The following SASH1 variants were observed in gnomAD, a reference collection of about 807,000 sequenced individuals.
The protein encoded by SASH1 is SAM and SH3 domain-containing protein 1.
SASH1 carries 44 observed loss-of-function variants against 125.2 expected under a neutral mutation model. That is an observed-to-expected ratio of 0.35 (90% CI 0.28 to 0.45). The LOEUF is 0.45. SASH1 is among the 20% of genes least tolerant of loss of function. SASH1 has a pLI of 1.00. For missense variants in SASH1, 1,426 were observed against 1,614.5 expected (o/e 0.88, Z 2.00); for synonymous variants, 639 against 649.1 (o/e 0.98, Z 0.24).
rs147407568 is a variant in SASH1, at chr6:148,373,068, G to A, written c.157-17066G>A. Among the ~76,000 whole-genome samples the A allele has an allele frequency of 6.0e-3, 915 of 152,176 alleles. 6 individuals are homozygous for A. The highest frequency in any genetic ancestry group is 0.011 in the Admixed American group (168 of 15,280). ...TAACCAGGCATGGTGGTGCATGCCT[G>A]TAATCCCAGCTACTCGGGAGGCTGA... On this transcript the variant is annotated intron_variant, in intron 1 of 19. Transcript: ENST00000367467.
intron 2 of SASH1, among the ~76,000 whole-genome samples, chr6:148,401,670 C>A (rs1307545803): frequency 2.6e-5 from 4 of 152,038 alleles, no homozygotes; most frequent in Non-Finnish European, 4.4e-5. Context: ...GCAATGTCAT[C>A]CATCTCATGG....
the SASH1 span, among the ~76,000 whole-genome samples, chr6:148,235,533 T>C: frequency 6.6e-6 from 1 of 152,044 alleles, no homozygotes; most frequent in Non-Finnish European, 1.5e-5. Context: ...TTGTGCGTGG[T>C]TTTACATGTC....
At chr6:148,456,653 G>T (rs944476536) in intron 4 of SASH1, among the ~76,000 whole-genome samples, 3 of 152,068 alleles carry the variant, frequency 2.0e-5, no homozygotes, top group Admixed American at 6.6e-5. Flanking sequence ...TTGAGCCCAG[G>T]AGTTCGAGAC....
At chr6:148,307,916 A>G (rs1476883982) in intron 1 of SASH1, among the ~76,000 whole-genome samples, 3 of 152,164 alleles carry the variant, frequency 2.0e-5, no homozygotes, top group Admixed American at 1.3e-4. Flanking sequence ...AATGGTCAAG[A>G]TGTGCAAAGC....
At chr6:148,423,957 C>T (rs771172603) in intron 2 of SASH1, among the ~76,000 whole-genome samples, 4 of 151,428 alleles carry the variant, frequency 2.6e-5, no homozygotes, top group African/African-American at 9.7e-5. Context: ...GATTACACTC[C>T]AATCAAGTAG....
intron 8 of SASH1, among the ~76,000 whole-genome samples, chr6:148,507,220 G>C (rs1038024163): frequency 6.6e-6 from 1 of 152,146 alleles, no homozygotes; most frequent in African/African-American, 2.4e-5. Context: ...AGTGAGAGAC[G>C]CCAGCCCGCC....
chr6:148,393,706 A>G, intron 2 of SASH1: 1 of 985,330 alleles, frequency 1.0e-6, no homozygotes, highest in Non-Finnish European at 1.2e-6. Flanking sequence ...ACCGCAGAAG[A>G]CAGTCTGGGG....
chr6:148,478,616 C>T (rs1228178060), intron 7 of SASH1: 1 of 152,152 alleles, frequency 6.6e-6, no homozygotes, highest in African/African-American at 2.4e-5. Context: ...CTAGGATTTG[C>T]TAGCACAACA....
intron 16 of SASH1, among the ~76,000 whole-genome samples, chr6:148,537,774 TTCTGTGTGTGTGTGTGTGTGTGTGTG>T (rs1277787326): frequency 9.7e-4 from 107 of 110,834 alleles, no homozygotes; most frequent in African/African-American, 3.5e-3. Context: ...TCTTAGCATA[TTCTGTGTGTGTGTGTGTGTGTGTGTG>T]TGTGTGTGTG....
At chr6:148,445,126 A>G (rs1309475476) in intron 4 of SASH1, among the ~76,000 whole-genome samples, 1 of 152,192 alleles carries the variant, frequency 6.6e-6, no homozygotes, top group Non-Finnish European at 1.5e-5. Flanking sequence ...TTTCATCGCC[A>G]TCTTGGATTT....
At chr6:148,400,884 T>C (rs1562381882) in intron 2 of SASH1, among the ~76,000 whole-genome samples, 1 of 152,190 alleles carries the variant, frequency 6.6e-6, no homozygotes, top group Non-Finnish European at 1.5e-5. Flanking sequence ...GATTGTCTTT[T>C]CTTTCGGTTT....
chr6:148,436,142 TC>T (rs556159399), intron 2 of SASH1, among the ~76,000 whole-genome samples: 113 of 152,164 alleles, frequency 7.4e-4, no homozygotes, highest in African/African-American at 2.3e-3. Flanking sequence ...GCTTTGGCAC[TC>T]CCCCAGCTGA....
intron 2 of SASH1, among the ~76,000 whole-genome samples, chr6:148,431,677 C>T (rs751857065): frequency 6.6e-6 from 1 of 151,552 alleles, no homozygotes; most frequent in African/African-American, 2.4e-5. Flanking sequence ...ACTGCTGGAG[C>T]TCATCTAGTG....
the SASH1 span, among the ~76,000 whole-genome samples, chr6:148,260,561 A>C: frequency 1.2e-4 from 18 of 151,496 alleles, no homozygotes; most frequent in Non-Finnish European, 2.2e-4. Flanking sequence ...AGCTATGATC[A>C]TGCCACTACA....
chr6:148,290,527 A>AC (rs1779601526), intron 1 of SASH1, among the ~76,000 whole-genome samples: 1 of 151,812 alleles, frequency 6.6e-6, no homozygotes, highest in South Asian at 2.1e-4. Context: ...AATGGTGTGA[A>AC]CCCGGGAGGC....
At chr6:148,486,574 C>T (rs1778853869) in intron 7 of SASH1, among the ~76,000 whole-genome samples, 1 of 151,848 alleles carries the variant, frequency 6.6e-6, no homozygotes, top group Non-Finnish European at 1.5e-5. Context: ...TAACATGGGA[C>T]TAGCAACTTG....
intron 1 of SASH1, among the ~76,000 whole-genome samples, chr6:148,361,348 A>G (rs929898929): frequency 1.3e-5 from 2 of 152,214 alleles, no homozygotes; most frequent in African/African-American, 4.8e-5. Context: ...CTGTAATCCC[A>G]GCACTTTGGG....
rs61996300 is a variant in SASH1, at chr6:148,544,635, A to G, written c.3165A>G (p.Thr1055=). Residue 1055 remains threonine, a synonymous_variant, in exon 18 of 20, where the codon ACA becomes ACG. Coordinates refer to ENST00000367467, the MANE Select transcript of SASH1 (RefSeq NM_015278.5). The surrounding 1 kb of genome is among the most constrained non-coding windows in gnomAD (Gnocchi z 6.4). The stretch of plus-strand genomic sequence containing the variant: ...AGGCGCCTGGCAGCCCACCAAGCAC[A>G]AGGCCGCCCCCCTGGCTCTCAGAGC... The part of the protein sequence containing the change: ...SGQAPGSPPS[T]RPPPWLSELP... The G allele has an allele frequency of 2.6e-3, 4,269 of 1,613,438 alleles. 8 individuals are homozygous for G. The highest frequency in any genetic ancestry group is 3.2e-3 in the Non-Finnish European group (3,824 of 1,179,844).
intron 1 of SASH1, among the ~76,000 whole-genome samples, chr6:148,387,656 CTTTCTTTCTTTCTT>C (rs1783510984): frequency 1.9e-5 from 1 of 52,648 alleles, no homozygotes; most frequent in Non-Finnish European, 3.5e-5. Context: ...TTCTTTCTTT[CTTTCTTTCTTTCTT>C]TCTTTCTTTC....
Sources: gnomAD v4.1 joint callset for allele counts (sites outside exome capture counted in the v4.1 genomes callset) on GRCh38, gnomAD v4.1.1 for gene constraint, Gnocchi (gnomAD v3.1) non-coding constraint, MANE v1.5 for transcripts, NCBI Gene and HGNC (gene_info 2026-07-23, HGNC 2026-07-21) for gene names.